Variants in DAAM1 observed in about 807,000 individuals in gnomAD.
DAAM1 encodes dishevelled associated activator of morphogenesis 1, also known as disheveled-associated activator of morphogenesis 1.
Under a neutral mutation model 130.0 loss-of-function variants are expected in DAAM1, and 52 were observed. The ratio of observed to expected loss-of-function variants is 0.40; its 90% CI spans 0.32 to 0.50. The LOEUF is 0.50. Among genes scored for constraint, DAAM1 ranks in the 20% least tolerant of loss-of-function variants. The probability of loss-of-function intolerance (pLI) is 0.61; values close to 1 mark genes in which losing one functional copy is unlikely to be tolerated. For synonymous variants in DAAM1, 452 were observed against 444.5 expected (o/e 1.02, Z -0.21); for missense variants, 1,134 against 1,303.8 (o/e 0.87, Z 2.01).
chr14:59,359,283 G>A (rs1042299804), intron 20 of DAAM1, 114 bp from the exon 21 acceptor site: 8 of 787,644 alleles, frequency 1.0e-5, no homozygotes, highest in Admixed American at 2.7e-5. Flanking sequence ...GCATTATTGT[G>A]GGTTCTACCA....
At chr14:59,283,671 A>T (rs1429509145) in intron 2 of DAAM1, among the ~76,000 whole-genome samples, 4 of 152,162 alleles carry the variant, frequency 2.6e-5, no homozygotes, top group Non-Finnish European at 5.9e-5. Context: ...TTGCAAGAGA[A>T]ATGATGTACC....
At chr14:59,282,320 G>A (rs1883258556) in intron 2 of DAAM1, among the ~76,000 whole-genome samples, 1 of 152,104 alleles carries the variant, frequency 6.6e-6, no homozygotes, top group South Asian at 2.1e-4. Flanking sequence ...TTTGAACCCT[G>A]TGCCTATCAC....
At chr14:59,197,191 A>T (rs567656047) in intron 1 of DAAM1, among the ~76,000 whole-genome samples, 3 of 152,316 alleles carry the variant, frequency 2.0e-5, no homozygotes, top group Non-Finnish European at 4.4e-5. Context: ...AAGTGCTGGG[A>T]TTACAGGCGT....
chr14:59,359,517 A>C lies in DAAM1; in HGVS notation c.2633+13A>C, dbSNP rs1222713712. The C allele has an allele frequency of 4.4e-6, 7 of 1,588,366 alleles. No individual in the cohort carries two copies. Among genetic ancestry groups the C allele is most frequent in the Non-Finnish European group, 6.0e-6 (7 of 1,157,156 alleles). On this transcript the variant is annotated intron_variant, in intron 21 of 24. Transcript: ENST00000360909. ...CTGCGAAAGTAAAGTAAGTACTTAC[A>C]GTGAGTGTTAGTTTCTTAAATCACT... is the stretch of plus-strand genomic sequence containing the variant.
chr14:59,367,488 C>A lies in DAAM1; in HGVS notation c.2886C>A (p.Phe962Leu), dbSNP rs751276269. ...EEAGKIQPDE[F>L]FGIFDQFLQA... is the part of the protein sequence containing the mutation. ...CTGGCAAAATACAACCAGATGAGTT[C>A]TTTGGCATTTTTGATCAATTTCTTC... Residue 962 changes from phenylalanine to leucine, a missense_variant, in exon 24 of 25, where the codon TTC becomes TTA. Physicochemically the swap from Phe to Leu is conservative, Grantham distance 22. This residue lies in a region of DAAM1 where 644 missense variants were observed against 695.9 expected (regional missense o/e 0.93). Coordinates refer to ENST00000360909, the MANE Select transcript of DAAM1 (RefSeq NM_001270520.2). 5.0e-6 allele frequency: 8 copies of A among 1,613,770 alleles called. No individual in the cohort carries two copies. In the East Asian group the frequency reaches 1.3e-4, roughly 27 times the overall value.
intron 1 of DAAM1, among the ~76,000 whole-genome samples, chr14:59,216,407 A>G (rs1001224621): frequency 6.6e-6 from 1 of 152,220 alleles, no homozygotes; most frequent in Non-Finnish European, 1.5e-5. Context: ...AGGCAAAAAA[A>G]GGATTTTAAT....
chr14:59,248,269 G>T (rs1168743795), intron 1 of DAAM1, among the ~76,000 whole-genome samples: 5 of 152,128 alleles, frequency 3.3e-5, no homozygotes, highest in Non-Finnish European at 7.4e-5. Flanking sequence ...GGTAGTATCA[G>T]CTTCCTTCAC....
At chr14:59,333,431 G>A (rs1462610215) in intron 15 of DAAM1, among the ~76,000 whole-genome samples, 1 of 152,214 alleles carries the variant, frequency 6.6e-6, no homozygotes, top group Non-Finnish European at 1.5e-5. Context: ...TGTCTTTAGA[G>A]TCCTCACGTG....
chr14:59,310,721 C>G (rs954408422), intron 3 of DAAM1, among the ~76,000 whole-genome samples: 1 of 152,150 alleles, frequency 6.6e-6, no homozygotes, highest in African/African-American at 2.4e-5. Flanking sequence ...GTATACATTG[C>G]TAGAAGAGTT....
intron 14 of DAAM1, 25 bp downstream of exon 14, chr14:59,331,533 C>T: frequency 6.4e-7 from 1 of 1,557,244 alleles, no homozygotes; most frequent in Non-Finnish European, 8.7e-7. Context: ...CCAGTTTTCC[C>T]TTTAATGGAT....
chr14:59,193,009 C>T (rs1305969795), intron 1 of DAAM1, among the ~76,000 whole-genome samples: 3 of 152,186 alleles, frequency 2.0e-5, no homozygotes, highest in Admixed American at 6.5e-5. Flanking sequence ...ACGGAGATTG[C>T]GCCACTGAAC....
At chr14:59,233,715 C>T (rs1392029486) in intron 1 of DAAM1, among the ~76,000 whole-genome samples, 2 of 152,296 alleles carry the variant, frequency 1.3e-5, no homozygotes, top group East Asian at 3.9e-4. Context: ...TTGCTCATGT[C>T]CATGTCCTAA....
chr14:59,300,793 T>C (rs573843027), intron 3 of DAAM1, among the ~76,000 whole-genome samples: 2 of 152,316 alleles, frequency 1.3e-5, no homozygotes, highest in Admixed American at 1.3e-4. Context: ...CTAAACAATA[T>C]ATACTGTTTC....
At chr14:59,322,362 A>G (rs1885043008) in intron 5 of DAAM1, among the ~76,000 whole-genome samples, 1 of 152,028 alleles carries the variant, frequency 6.6e-6, no homozygotes, top group Non-Finnish European at 1.5e-5. Flanking sequence ...AAAAAAGTTA[A>G]AAAGAAAAAA....
In DAAM1 at chr14:59,323,221, T is replaced by C. The variant is rs776405966; in HGVS notation, c.770T>C (p.Phe257Ser). ...AAGTATGCCAGCGAAAGGACCCGCT[T>C]TCAGGTGGGTGTTCGCTCAGCCTTC... Reference protein sequence around the residue: ...YQKYASERTRFQTLINDLDKS... With the variant: ...YQKYASERTRSQTLINDLDKS... The change falls in exon 6 of 25, where the codon TTT becomes TCT. Residue 257 changes from phenylalanine to serine, a missense_variant. Phe to Ser is a radical substitution (Grantham distance 155, BLOSUM62 -2). Around this residue, in one of 3 missense-constraint regions of DAAM1, gnomAD observed 391 missense variants for 521.6 expected, o/e 0.75. Transcript: ENST00000360909. 6.2e-7 allele frequency: 1 copy of C among 1,600,560 alleles called. No individual in the cohort carries two copies. Among genetic ancestry groups the C allele is most frequent in the Non-Finnish European group, 8.5e-7 (1 of 1,171,882 alleles).
chr14:59,344,474 T>C (rs1224153494), intron 16 of DAAM1, among the ~76,000 whole-genome samples: 1 of 152,202 alleles, frequency 6.6e-6, no homozygotes, highest in Non-Finnish European at 1.5e-5. Context: ...AGCAATTAAT[T>C]ACAGAGATTA....
intron 2 of DAAM1, among the ~76,000 whole-genome samples, chr14:59,275,152 A>T (rs1001002148): frequency 1.3e-5 from 2 of 152,120 alleles, no homozygotes; most frequent in Non-Finnish European, 2.9e-5. Context: ...GCCCACAGGG[A>T]CTTAGGGTAC....
At chr14:59,286,286 G>A (rs1042624687) in intron 2 of DAAM1, among the ~76,000 whole-genome samples, 2 of 151,864 alleles carry the variant, frequency 1.3e-5, no homozygotes, top group Non-Finnish European at 2.9e-5. Flanking sequence ...GCTAAAGCAG[G>A]GTTAAGAAGA....
chr14:59,209,735 AC>A (rs1228217115), intron 1 of DAAM1, among the ~76,000 whole-genome samples: 1 of 152,218 alleles, frequency 6.6e-6, no homozygotes, highest in Non-Finnish European at 1.5e-5. Context: ...TTTTCAACTT[AC>A]AGTGTTATCA....
Sources: gnomAD v4.1 joint callset for allele counts (sites outside exome capture counted in the v4.1 genomes callset) on GRCh38, gnomAD v4.1.1 for gene constraint, gnomAD v4.1.1 regional missense constraint, MANE v1.5 for transcripts, NCBI Gene and HGNC (gene_info 2026-07-23, HGNC 2026-07-21) for gene names.